NEDD4: variants seen among roughly 807,000 people sequenced by gnomAD.
The protein encoded by NEDD4 is E3 ubiquitin-protein ligase NEDD4.
In NEDD4, 99 loss-of-function variants were observed where a neutral mutation model predicts 144.9. The observed-to-expected ratio is 0.68, with a 90% CI of 0.58 to 0.81. The LOEUF (loss-of-function observed/expected upper bound fraction) is 0.81. Ranked by LOEUF, NEDD4 falls within the 30% of genes least tolerant of loss-of-function variation. The probability of loss-of-function intolerance (pLI) is 0.00; values close to 1 mark genes in which losing one functional copy is unlikely to be tolerated. For synonymous variants in NEDD4, 318 were observed against 350.6 expected, an observed-to-expected ratio of 0.91 and a Z score of 1.04; for missense variants, 985 against 1,065.9, an observed-to-expected ratio of 0.92 and a Z score of 1.06.
chr15:55,989,166 G>A (rs757403709), intron 1 of NEDD4, among the ~76,000 whole-genome samples: 7 of 152,138 alleles, frequency 4.6e-5, no homozygotes, highest in Non-Finnish European at 7.4e-5. Context: ...AACCTGGTAG[G>A]CAGAGGGTGC....
At chr15:55,960,567 C>T (rs577655966) in intron 2 of NEDD4, among the ~76,000 whole-genome samples, 131 of 152,274 alleles carry the variant, frequency 8.6e-4, no homozygotes, top group Non-Finnish European at 1.7e-3. Context: ...TTTTGGGACT[C>T]TGACTGGCTT....
intron 4 of NEDD4, among the ~76,000 whole-genome samples, chr15:55,947,578 C>A (rs1203674864): frequency 6.6e-6 from 1 of 152,030 alleles, no homozygotes; most frequent in Non-Finnish European, 1.5e-5. Context: ...CTGAATTCTA[C>A]CAAAGGTACA....
chr15:55,915,834 C>CA (rs770481940), intron 5 of NEDD4: 3 of 1,613,874 alleles, frequency 1.9e-6, no homozygotes, highest in Non-Finnish European at 2.5e-6. Context: ...TCCGGGGGTA[C>CA]AAATTGTTTT....
intron 4 of NEDD4, among the ~76,000 whole-genome samples, chr15:55,944,802 C>T (rs1346678606): frequency 6.6e-6 from 1 of 151,974 alleles, no homozygotes; most frequent in African/African-American, 2.4e-5. Context: ...AAGGATGAGG[C>T]AGCAATATTT....
At chr15:55,830,443 C>A (rs1423031737) in intron 28 of NEDD4, 71 bp downstream of exon 28, 2 of 1,318,402 alleles carry the variant, frequency 1.5e-6, no homozygotes, top group Non-Finnish European at 2.2e-6. Context: ...ACTAGCCCTG[C>A]TGTGGCTAGA....
intron 5 of NEDD4, chr15:55,916,816 G>T: frequency 7.5e-6 from 12 of 1,601,772 alleles, no homozygotes; most frequent in Non-Finnish European, 1.0e-5. Flanking sequence ...AAGTGCAATC[G>T]TAAGCTTTGT....
chr15:55,869,434 T>C, intron 8 of NEDD4, 145 bp downstream of exon 8: 1 of 575,804 alleles, frequency 1.7e-6, no homozygotes, highest in Non-Finnish European at 3.0e-6. Flanking sequence ...GAGGGAAAAC[T>C]ATTAATGCTT....
chr15:55,927,369 G>C (rs554160394), intron 4 of NEDD4, among the ~76,000 whole-genome samples: 3 of 152,100 alleles, frequency 2.0e-5, no homozygotes, highest in Admixed American at 1.3e-4. Flanking sequence ...GGAATGCAGT[G>C]GTGCGATCAC....
At chr15:55,838,014 G>A (rs1225508450) in intron 23 of NEDD4, 93 bp downstream of exon 23, 4 of 942,020 alleles carry the variant, frequency 4.2e-6, no homozygotes, top group Non-Finnish European at 6.5e-6. Flanking sequence ...CTGAGATTCT[G>A]GACAAGGGGA....
intron 22 of NEDD4, 102 bp from the exon 23 acceptor site, chr15:55,838,282 C>A: frequency 1.2e-6 from 1 of 856,520 alleles, no homozygotes; most frequent in South Asian, 1.8e-5. Flanking sequence ...TAAATTAAGT[C>A]CAGTCAAAAG....
chr15:55,908,327 G>A (rs1446171311), intron 5 of NEDD4, among the ~76,000 whole-genome samples: 2 of 152,144 alleles, frequency 1.3e-5, no homozygotes, highest in Non-Finnish European at 2.9e-5. Context: ...CAATTCTAGT[G>A]AATTTACATT....
Position 55,911,533 on chromosome 15 carries a change from A to AT in NEDD4, c.291+13112_291+13113insA, listed in dbSNP as rs1566946766. On this transcript the variant is annotated intron_variant, in intron 5 of 28. Transcript: ENST00000435532. ...CACATCACATATTAGACTGAAAAAA[A>AT]ATTTTTTTTTTTTTGAGACGGGGTT... 5.1e-4 allele frequency among the ~76,000 whole-genome samples: 76 copies of AT among 149,450 alleles called. 1 individual carries two copies. Among genetic ancestry groups the AT allele is most frequent in the East Asian group, 1.2e-3 (6 of 5,074 alleles).
intron 2 of NEDD4, among the ~76,000 whole-genome samples, chr15:55,958,932 G>A (rs2037383031): frequency 1.0e-5 from 1 of 98,726 alleles, no homozygotes; most frequent in African/African-American, 3.6e-5. Context: ...TCTAGCTAGA[G>A]GTTTAAAACT....
chr15:55,950,278 T>TA (rs2037214569), intron 4 of NEDD4, among the ~76,000 whole-genome samples: 1 of 152,216 alleles, frequency 6.6e-6, no homozygotes, highest in Non-Finnish European at 1.5e-5. Flanking sequence ...GGGAAAATCT[T>TA]ACTCCAAACC....
At chr15:55,990,083 A>G (rs2037964797) in intron 1 of NEDD4, among the ~76,000 whole-genome samples, 1 of 150,368 alleles carries the variant, frequency 6.7e-6, no homozygotes, top group Non-Finnish European at 1.5e-5. Flanking sequence ...CATTACCGTC[A>G]CCCACACTTG....
At chr15:55,880,279 G>A (rs1171066215) in intron 5 of NEDD4, among the ~76,000 whole-genome samples, 21 of 151,424 alleles carry the variant, frequency 1.4e-4, no homozygotes, top group Non-Finnish European at 2.9e-4. Context: ...GTGACGGAGT[G>A]AGACCCCGTC....
chr15:55,927,696 A>G (rs1339770118), intron 4 of NEDD4, among the ~76,000 whole-genome samples: 4 of 152,282 alleles, frequency 2.6e-5, no homozygotes, highest in Middle Eastern at 3.4e-3. Context: ...GAGAAATGAC[A>G]TAATTTAGGT....
intron 5 of NEDD4, among the ~76,000 whole-genome samples, chr15:55,902,895 G>C (rs1260143114): frequency 6.6e-6 from 1 of 152,208 alleles, no homozygotes; most frequent in Non-Finnish European, 1.5e-5. Flanking sequence ...CCGCTAGTCA[G>C]GAGGCTGAGG....
chr15:55,893,441 A>C (rs2035634450), intron 5 of NEDD4, among the ~76,000 whole-genome samples: 1 of 152,100 alleles, frequency 6.6e-6, no homozygotes, highest in Non-Finnish European at 1.5e-5. Flanking sequence ...AGATCACAAA[A>C]GACCAGAATA....
Sources: allele counts gnomAD v4.1 joint callset (sites outside exome capture counted in the v4.1 genomes callset), GRCh38; gene constraint gnomAD v4.1.1; transcripts MANE v1.5; gene names NCBI Gene and HGNC (gene_info 2026-07-23, HGNC 2026-07-21).